Variants in ATG13 observed in about 807,000 individuals in gnomAD.
ATG13 encodes autophagy-related protein 13.
A neutral mutation model predicts 65.5 loss-of-function variants in ATG13; 23 were observed. The observed-to-expected ratio is 0.35, with a 90% CI of 0.25 to 0.50. The LOEUF is 0.50. ATG13 is among the 20% of genes least tolerant of loss of function. ATG13 has a pLI of 0.98. For missense variants in ATG13, 566 were observed against 677.0 expected (o/e 0.84, Z 1.82); for synonymous variants, 252 against 245.2 (o/e 1.03, Z -0.26).
chr11:46,634,474 C>G (rs527647232), intron 2 of ATG13, among the ~76,000 whole-genome samples: 13 of 149,366 alleles, frequency 8.7e-5, no homozygotes, highest in Admixed American at 1.3e-4. Flanking sequence ...TCTCAGCTCA[C>G]TGCACCTCCG....
intron 1 of ATG13, among the ~76,000 whole-genome samples, chr11:46,626,704 A>C (rs971254769): frequency 1.3e-5 from 2 of 152,202 alleles, no homozygotes; most frequent in African/African-American, 2.4e-5. Context: ...TTTCACCCAG[A>C]AATTTTAGCA....
At chr11:46,644,444 G>C (rs1006542561) in intron 3 of ATG13, 84 bp downstream of exon 3, 8 of 1,208,272 alleles carry the variant, frequency 6.6e-6, no homozygotes, top group Non-Finnish European at 9.4e-6. Context: ...TCTTTGGAAA[G>C]TAGCATAACA....
At chr11:46,656,456 A>G (rs1217666711) in intron 8 of ATG13, 183 bp downstream of exon 8, 1 of 484,402 alleles carries the variant, frequency 2.1e-6, no homozygotes, top group Non-Finnish European at 3.5e-6. Context: ...GTAACCAAAT[A>G]ATTTTTCCCA....
chr11:46,642,756 A>G (rs1314661705), intron 2 of ATG13, among the ~76,000 whole-genome samples: 4 of 152,190 alleles, frequency 2.6e-5, no homozygotes, highest in African/African-American at 9.7e-5. Context: ...ATCTTTCTAA[A>G]GCACCATTCA....
At chr11:46,653,001 T>C (rs911510137) in intron 7 of ATG13, among the ~76,000 whole-genome samples, 1 of 152,174 alleles carries the variant, frequency 6.6e-6, no homozygotes. Flanking sequence ...ACTTTTGCAA[T>C]ACAACAGAAA....
At chr11:46,655,375 G>A (rs2059830455) in intron 7 of ATG13, among the ~76,000 whole-genome samples, 1 of 152,154 alleles carries the variant, frequency 6.6e-6, no homozygotes, top group South Asian at 2.1e-4. Context: ...TCCAGCCAGG[G>A]CGACAGAGTG....
intron 2 of ATG13, among the ~76,000 whole-genome samples, chr11:46,633,625 G>T (rs2052788623): frequency 1.3e-5 from 2 of 152,214 alleles, no homozygotes; most frequent in Non-Finnish European, 1.5e-5. Flanking sequence ...GGGATTACAG[G>T]CGTGAGCCAC....
chr11:46,633,819 A>G (rs1001547272), intron 2 of ATG13, among the ~76,000 whole-genome samples: 7 of 152,168 alleles, frequency 4.6e-5, no homozygotes, highest in Admixed American at 3.3e-4. Context: ...TCCAAAAAAT[A>G]TATTTATATG....
rs149706888 is a variant in ATG13, at chr11:46,657,539, C to T, written c.612C>T (p.Thr204=). Reference sequence around the variant, plus strand: ...TGTATTACAGGCAATTTGAGAGGACCCCACCTATCATGGGGATTATTATTG... The same window carrying T: ...TGTATTACAGGCAATTTGAGAGGACTCCACCTATCATGGGGATTATTATTG... The part of the protein sequence containing the change: ...AFMSTRQFER[T]PPIMGIIIDH... Residue 204 remains threonine, a synonymous_variant, in exon 10 of 19, where the codon ACC becomes ACT. Coordinates refer to ENST00000683050, the MANE Select transcript of ATG13 (RefSeq NM_001346311.2). 6.8e-6 allele frequency: 11 copies of T among 1,613,950 alleles called. No individual in the cohort carries two copies. Among genetic ancestry groups the T allele is most frequent in the East Asian group, 2.2e-5 (1 of 44,874 alleles).
intron 5 of ATG13, 105 bp from the exon 6 acceptor site, chr11:46,649,032 C>CT (rs375774792): frequency 0.012 from 9,531 of 802,314 alleles, 14 homozygotes; most frequent in South Asian, 0.014. Flanking sequence ...GATATCTATT[C>CT]TTTTTTTTTT....
At position 46,665,387 on chromosome 11, in the gene ATG13, T is replaced by A; in HGVS notation, c.1004T>A (p.Met335Lys). 1.2e-6 allele frequency: 2 copies of A among 1,613,624 alleles called. No individual in the cohort carries two copies. Among genetic ancestry groups the A allele is most frequent in the Non-Finnish European group, 1.7e-6 (2 of 1,179,696 alleles). ...GLNATHPHQLMVPGKEGGVPL... is the reference protein window; with the variant it reads ...GLNATHPHQLKVPGKEGGVPL... The stretch of plus-strand genomic sequence containing the variant: ...TCTTTCCATTTTTCCCCAAAGCTGA[T>A]GGTTCCTGGGAAGGAAGGTGGGGTA... The change falls in exon 14 of 19, where the codon ATG (methionine) becomes AAG (lysine). Residue 335 changes from methionine (M) to lysine (K), a missense_variant. By Grantham distance (95) the Met-to-Lys change is moderately conservative (BLOSUM62 -1). Coordinates refer to ENST00000683050, the MANE Select transcript of ATG13 (RefSeq NM_001346311.2).
At chr11:46,671,212 G>A (rs2063644826) in intron 18 of ATG13, among the ~76,000 whole-genome samples, 1 of 152,188 alleles carries the variant, frequency 6.6e-6, no homozygotes, top group Non-Finnish European at 1.5e-5. Context: ...TCTGAGGCAA[G>A]AGACTCTCCA....
intron 2 of ATG13, among the ~76,000 whole-genome samples, chr11:46,631,281 T>A (rs2051645703): frequency 6.6e-6 from 1 of 152,166 alleles, no homozygotes; most frequent in Non-Finnish European, 1.5e-5. Context: ...AGTTTCAAAC[T>A]CCTGGCTCAA....
intron 2 of ATG13, among the ~76,000 whole-genome samples, chr11:46,636,082 A>G (rs2053847715): frequency 6.6e-6 from 1 of 152,168 alleles, no homozygotes. Context: ...AGCCAGATCT[A>G]CAAATGATAG....
chr11:46,629,908 C>T (rs1017883491), intron 1 of ATG13, 137 bp from the exon 2 acceptor site: 3 of 151,948 alleles, frequency 2.0e-5, no homozygotes, highest in Non-Finnish European at 2.9e-5. Context: ...TCTCCTAAGG[C>T]TGTGTCGTCC....
rs761389127 is a variant in ATG13 at position 46,669,518 on chromosome 11, A to G, written c.1561A>G (p.Met521Val). The G allele has an allele frequency of 6.2e-6, 10 of 1,613,984 alleles. No individual in the cohort carries two copies. The highest frequency in any genetic ancestry group is 3.3e-5 in the Admixed American group (2 of 59,996). The change falls in exon 18 of 19, where the codon ATG becomes GTG. Residue 521 changes from methionine (M) to valine (V), a missense_variant. This residue lies in a region of ATG13 where 387 missense variants were observed against 409.8 expected (regional missense o/e 0.94). Coordinates refer to ENST00000683050, the MANE Select transcript of ATG13 (RefSeq NM_001346311.2). ...CTCCATAGATATTGGAGCACAGTCC[A>G]TGGCTGAAGACTTGGTATGGAAACG... ...SLSIDIGAQS[M>V]AEDLDSLPEK...
At position 46,645,969 on chromosome 11, in the gene ATG13, A is replaced by G. The variant is rs2057420670; in HGVS notation, c.250A>G (p.Ile84Val). 6.2e-7 allele frequency: 1 copy of G among 1,614,000 alleles called. No individual in the cohort carries two copies. Among genetic ancestry groups the G allele is most frequent in the African/African-American group, 1.3e-5 (1 of 74,908 alleles). The part of the protein sequence containing the change: ...PAVGRSMCVE[I>V]SLKTSEGDSM... ...AGTCGGGAGGTCCATGTGTGTGGAG[A>G]TTTCACTTAAGACTTCTGAGGTAAG... is the stretch of plus-strand genomic sequence containing the variant. Residue 84 changes from isoleucine (I) to valine (V), a missense_variant, in exon 5 of 19, where the codon ATT (isoleucine) becomes GTT (valine). This residue lies in a region of ATG13 where 179 missense variants were observed against 267.2 expected (regional missense o/e 0.67). Transcript: ENST00000683050.
Position 46,673,955 on chromosome 11 carries a change from G to C in ATG13, c.*1623G>C, listed in dbSNP as rs2064265249. On this transcript the variant is annotated 3_prime_UTR_variant, in exon 19 of 19. Transcript: ENST00000683050. ...TTGGAGCAGGCTCTGGCGGGGACCA[G>C]AGCTCTGCGTGCTGCTGCTGCCACC... 6.6e-6 allele frequency: 1 copy of C among 152,250 alleles called. No individual in the cohort carries two copies. Among genetic ancestry groups the C allele is most frequent in the Non-Finnish European group, 1.5e-5 (1 of 68,074 alleles). The allele number at this position is 152,250 out of a possible 1,614,324, so 9.4% of individuals were successfully genotyped here. A position where few individuals can be genotyped will look rare whatever the true frequency, so the allele number is the denominator to read the frequency against.
chr11:46,659,340 GA>G, intron 10 of ATG13, 51 bp from the exon 11 acceptor site: 1 of 1,445,562 alleles, frequency 6.9e-7, no homozygotes, highest in Non-Finnish European at 9.7e-7. Flanking sequence ...TAGCCTTTCT[GA>G]AATTGACTGC....
Sources: allele counts gnomAD v4.1 joint callset (sites outside exome capture counted in the v4.1 genomes callset), GRCh38; gene constraint gnomAD v4.1.1; regional missense constraint gnomAD v4.1.1; transcripts MANE v1.5; gene names NCBI Gene and HGNC (gene_info 2026-07-23, HGNC 2026-07-21).